The following PTPRK variants were observed in gnomAD, a reference collection of about 807,000 sequenced individuals.
The protein encoded by PTPRK is protein tyrosine phosphatase receptor type K, also known as receptor-type tyrosine-protein phosphatase kappa.
PTPRK carries 75 observed loss-of-function variants against 178.0 expected under a neutral mutation model. The ratio of observed to expected loss-of-function variants is 0.42; its 90% CI spans 0.35 to 0.51. PTPRK has a LOEUF of 0.51. PTPRK is among the 20% of genes least tolerant of loss of function. The pLI is 0.02. For missense variants in PTPRK, 1,441 were observed against 1,797.8 expected, an observed-to-expected ratio of 0.80 and a Z score of 3.59; for synonymous variants, 637 against 620.6, an observed-to-expected ratio of 1.03 and a Z score of -0.39.
At chr6:128,318,083 G>A (rs1054800604) in intron 3 of PTPRK, among the ~76,000 whole-genome samples, 3 of 152,068 alleles carry the variant, frequency 2.0e-5, no homozygotes, top group African/African-American at 7.2e-5. Context: ...TTCTAAAGTG[G>A]GTCTCTATAT....
At chr6:128,016,451 C>T (rs1032920991) in intron 13 of PTPRK, among the ~76,000 whole-genome samples, 3 of 151,878 alleles carry the variant, frequency 2.0e-5, no homozygotes, top group African/African-American at 7.2e-5. Context: ...GGACACTTCT[C>T]ATATGAGGGT....
chr6:128,266,831 G>A (rs1819029072), intron 3 of PTPRK, among the ~76,000 whole-genome samples: 1 of 152,102 alleles, frequency 6.6e-6, no homozygotes, highest in Non-Finnish European at 1.5e-5. Context: ...TAACCAGCGG[G>A]GCTTGTGCAT....
At chr6:128,445,217 T>C (rs1846812200) in intron 1 of PTPRK, among the ~76,000 whole-genome samples, 1 of 140,340 alleles carries the variant, frequency 7.1e-6, no homozygotes, top group Non-Finnish European at 1.5e-5. Context: ...TATATATATA[T>C]ATAATTTATA....
chr6:128,287,306 C>A (rs1822660682), intron 3 of PTPRK, among the ~76,000 whole-genome samples: 1 of 152,160 alleles, frequency 6.6e-6, no homozygotes, highest in Admixed American at 6.5e-5. Context: ...CCCTGAAGAC[C>A]ATGTCCGAAA....
intron 1 of PTPRK, among the ~76,000 whole-genome samples, chr6:128,410,859 G>A (rs1387937188): frequency 1.3e-5 from 2 of 152,164 alleles, no homozygotes; most frequent in Non-Finnish European, 2.9e-5. Context: ...TGGGCCTTCA[G>A]TGGCAAAACT....
chr6:128,423,952 G>A (rs965161799), intron 1 of PTPRK, among the ~76,000 whole-genome samples: 4 of 152,028 alleles, frequency 2.6e-5, no homozygotes. Context: ...TGGGTGTGGT[G>A]GCTTACACCT....
At chr6:128,514,676 A>G (rs1424980348) in intron 1 of PTPRK, among the ~76,000 whole-genome samples, 4 of 152,208 alleles carry the variant, frequency 2.6e-5, no homozygotes, top group African/African-American at 4.8e-5. Context: ...TGACAAAATA[A>G]GCCACTTGTA....
At chr6:128,081,927 T>C (rs1784893020) in intron 10 of PTPRK, among the ~76,000 whole-genome samples, 1 of 152,060 alleles carries the variant, frequency 6.6e-6, no homozygotes, top group South Asian at 2.1e-4. Context: ...AATTCTTCTG[T>C]ACGTTCCCAT....
intron 3 of PTPRK, among the ~76,000 whole-genome samples, chr6:128,320,477 C>A (rs1394848784): frequency 1.3e-5 from 2 of 152,078 alleles, no homozygotes; most frequent in African/African-American, 4.8e-5. Context: ...AGTCTGATTC[C>A]TTAAAGAACT....
At chr6:128,257,943 T>C (rs550975567) in intron 3 of PTPRK, among the ~76,000 whole-genome samples, 9 of 152,168 alleles carry the variant, frequency 5.9e-5, no homozygotes, top group Non-Finnish European at 1.2e-4. Context: ...CTCAAAAATA[T>C]GAAGGTTCTC....
chr6:128,319,042 A>G (rs1828427281), intron 3 of PTPRK, among the ~76,000 whole-genome samples: 1 of 152,156 alleles, frequency 6.6e-6, no homozygotes, highest in African/African-American at 2.4e-5. Context: ...TTTGTTCCTT[A>G]TATGTTAGTG....
At chr6:128,199,998 A>G (rs1204826784) in intron 6 of PTPRK, among the ~76,000 whole-genome samples, 2 of 152,182 alleles carry the variant, frequency 1.3e-5, no homozygotes, top group Non-Finnish European at 2.9e-5. Flanking sequence ...TGTATGTTAC[A>G]TATATTGTGA....
intron 6 of PTPRK, among the ~76,000 whole-genome samples, chr6:128,194,837 C>T (rs1241848882): frequency 6.6e-6 from 1 of 152,122 alleles, no homozygotes; most frequent in African/African-American, 2.4e-5. Context: ...ATAGCACTGG[C>T]TATTATTCCA....
chr6:128,359,885 A>C (rs1463760838), intron 2 of PTPRK, among the ~76,000 whole-genome samples: 1 of 152,252 alleles, frequency 6.6e-6, no homozygotes, highest in African/African-American at 2.4e-5. Context: ...ATAATTCAGT[A>C]GCTTGCTCAG....
At chr6:128,382,174 G>C (rs1055271762) in intron 2 of PTPRK, among the ~76,000 whole-genome samples, 1 of 134,258 alleles carries the variant, frequency 7.4e-6, no homozygotes, top group African/African-American at 2.7e-5. Context: ...AAAAAAAAAG[G>C]AAAAAAATCA....
intron 1 of PTPRK, among the ~76,000 whole-genome samples, chr6:128,424,065 TAA>T (rs139100585): frequency 4.1e-4 from 46 of 111,882 alleles, no homozygotes; most frequent in Middle Eastern, 5.3e-3. Flanking sequence ...CTACAAAAAG[TAA>T]AAAAAAAAAA....
intron 2 of PTPRK, among the ~76,000 whole-genome samples, chr6:128,331,627 T>C (rs1247120696): frequency 6.6e-6 from 1 of 152,206 alleles, no homozygotes; most frequent in Admixed American, 6.5e-5. Context: ...AGCTTTTACA[T>C]TCTATTACTT....
chr6:128,515,936 C>CT (rs139125742), intron 1 of PTPRK, among the ~76,000 whole-genome samples: 19,643 of 152,124 alleles, frequency 0.13, 1,413 homozygotes, highest in African/African-American at 0.16. Context: ...AGCCAACACA[C>CT]TTTTTCTATA....
chr6:128,029,263 T>C (rs1232837196), intron 13 of PTPRK, among the ~76,000 whole-genome samples: 2 of 152,096 alleles, frequency 1.3e-5, no homozygotes, highest in East Asian at 1.9e-4. Context: ...TCTGCCATGA[T>C]TGTAAGCTCC....
Sources: gnomAD v4.1 joint callset for allele counts (sites outside exome capture counted in the v4.1 genomes callset) on GRCh38, gnomAD v4.1.1 for gene constraint, MANE v1.5 for transcripts, NCBI Gene and HGNC (gene_info 2026-07-23, HGNC 2026-07-21) for gene names.